The following DNAJB6 variants were observed in gnomAD, a reference collection of about 807,000 sequenced individuals.
DNAJB6 encodes DnaJ heat shock protein family (Hsp40) member B6.
Under a neutral mutation model 42.7 loss-of-function variants are expected in DNAJB6, and 16 were observed. That is an observed-to-expected ratio of 0.37 (90% CI 0.25 to 0.57). The LOEUF (loss-of-function observed/expected upper bound fraction) is 0.57, where lower values mean the gene tolerates loss of function less well. Ranked by LOEUF, DNAJB6 falls within the 20% of genes least tolerant of loss-of-function variation. DNAJB6 has a pLI of 0.74. For missense variants in DNAJB6, 347 were observed against 416.8 expected (o/e 0.83, Z 1.46); for synonymous variants, 170 against 163.5 (o/e 1.04, Z -0.30).
intron 1 of DNAJB6, among the ~76,000 whole-genome samples, chr7:157,341,677 G>A (rs1008661866): frequency 5.3e-5 from 8 of 152,168 alleles, no homozygotes; most frequent in Admixed American, 1.3e-4. Flanking sequence ...ACTTGGGTGG[G>A]CTTTGAATCT....
intron 8 of DNAJB6, among the ~76,000 whole-genome samples, chr7:157,392,708 C>G (rs192732575): frequency 6.6e-6 from 1 of 152,230 alleles, no homozygotes; most frequent in South Asian, 2.1e-4. Context: ...GCAGTCAGTG[C>G]GAGGAACACC....
At chr7:157,344,016 G>A (rs1179803252) in intron 1 of DNAJB6, among the ~76,000 whole-genome samples, 1 of 152,100 alleles carries the variant, frequency 6.6e-6, no homozygotes. Context: ...CTAGTTAATA[G>A]TTTAAAGAAG....
intron 1 of DNAJB6, among the ~76,000 whole-genome samples, chr7:157,340,631 C>T (rs1199237984): frequency 6.6e-6 from 1 of 151,918 alleles, no homozygotes; most frequent in East Asian, 1.9e-4. Context: ...GTTTCATGTT[C>T]CTGGAGATAT....
In DNAJB6 at chr7:157,394,444, G is replaced by A. The variant is rs147985213; in HGVS notation, c.691+8833G>A. 3.0e-4 allele frequency among the ~76,000 whole-genome samples: 46 copies of A among 152,090 alleles called. 1 individual carries two copies. Among genetic ancestry groups the A allele is most frequent in the African/African-American group, 1.1e-3 (45 of 41,476 alleles). ...CTTTGAGTGGCTAAGTGGGTGGATC[G>A]CTTGAGCCCTGGAGGTCGAGGCTAC... On this transcript the variant is annotated intron_variant, in intron 8 of 9. Transcript: ENST00000262177.
At chr7:157,372,772 A>T (rs1304529533) in intron 5 of DNAJB6, among the ~76,000 whole-genome samples, 1 of 152,114 alleles carries the variant, frequency 6.6e-6, no homozygotes, top group Non-Finnish European at 1.5e-5. Flanking sequence ...CCAGTCCTGG[A>T]GGCTGGCCAT....
At chr7:157,402,153 G>A (rs962530019) in intron 8 of DNAJB6, among the ~76,000 whole-genome samples, 3 of 152,244 alleles carry the variant, frequency 2.0e-5, no homozygotes, top group African/African-American at 4.8e-5. Flanking sequence ...TAGAGATGGG[G>A]TCTCCCTATG....
chr7:157,386,691 T>G (rs1801077708), intron 8 of DNAJB6, among the ~76,000 whole-genome samples: 1 of 152,198 alleles, frequency 6.6e-6, no homozygotes, highest in Non-Finnish European at 1.5e-5. Context: ...GAGACCAGCC[T>G]GACCAAGATG....
In DNAJB6 at chr7:157,417,172, A is replaced by T. The variant is rs1329745200; in HGVS notation, c.*1074A>T. 2 of 152,302 alleles carry T rather than the reference A, an allele frequency of 1.3e-5. No individual in the cohort carries two copies. The highest frequency in any genetic ancestry group is 3.9e-4 in the East Asian group (2 of 5,182). 9.4% of individuals were successfully genotyped at this position (152,302 alleles called of 1,614,324 possible). A position where few individuals can be genotyped will look rare whatever the true frequency, so the allele number is the denominator to read the frequency against. On this transcript the variant is annotated 3_prime_UTR_variant, in exon 10 of 10. Transcript: ENST00000262177. ...ATTGTGAAAAGCTTTGCTGTGATTT[A>T]AAAATGCCAGCAATTTTAATCTAGC...
intron 1 of DNAJB6, among the ~76,000 whole-genome samples, chr7:157,356,997 C>T (rs1799312193): frequency 6.6e-6 from 1 of 150,630 alleles, no homozygotes; most frequent in Admixed American, 6.6e-5. Context: ...AAAGGACTTC[C>T]ATAAAAACAA....
Position 157,360,711 on chromosome 7 carries a change from A to G in DNAJB6, c.65+2074A>G, listed in dbSNP as rs117643422. ...AGCTATGGGGGCGTGCTGTTAGTCTATCTTGTGTACCCTTGGCTTTGTGTG... is the reference window on the plus strand; with the variant it reads ...AGCTATGGGGGCGTGCTGTTAGTCTGTCTTGTGTACCCTTGGCTTTGTGTG... On this transcript the variant is annotated intron_variant, in intron 2 of 9. Coordinates refer to ENST00000262177, the MANE Select transcript of DNAJB6 (RefSeq NM_058246.4). Among the ~76,000 whole-genome samples, 1,356 of 152,282 alleles carry G rather than the reference A, an allele frequency of 8.9e-3. 8 individuals carry two copies. Among genetic ancestry groups the G allele is most frequent in the Non-Finnish European group, 0.014 (950 of 68,030 alleles).
chr7:157,371,526 A>C (rs3802095), intron 5 of DNAJB6, among the ~76,000 whole-genome samples: 84,115 of 152,100 alleles, frequency 0.55, 23,560 homozygotes, highest in East Asian at 0.75. Context: ...TCCTTTACAG[A>C]AGAAGCCCTC....
intron 8 of DNAJB6, among the ~76,000 whole-genome samples, chr7:157,394,509 T>TG (rs1488453991): frequency 1.3e-5 from 2 of 149,918 alleles, no homozygotes; most frequent in Non-Finnish European, 3.0e-5. Flanking sequence ...AGTCTGGTGA[T>TG]GGAGTGAGAC....
chr7:157,354,904 G>C (rs1799192898), intron 1 of DNAJB6, among the ~76,000 whole-genome samples: 1 of 152,148 alleles, frequency 6.6e-6, no homozygotes, highest in African/African-American at 2.4e-5. Flanking sequence ...CAGGTATGTA[G>C]GAGGTGGGGA....
intron 8 of DNAJB6, among the ~76,000 whole-genome samples, chr7:157,389,545 C>A (rs1026646862): frequency 2.0e-5 from 3 of 152,142 alleles, no homozygotes. Flanking sequence ...GAGATCTTAC[C>A]CTTTGGGGTC....
chr7:157,362,774 A>G (rs118078028), intron 2 of DNAJB6, among the ~76,000 whole-genome samples: 2 of 152,150 alleles, frequency 1.3e-5, no homozygotes, highest in Admixed American at 6.5e-5. Context: ...GTATTATGCT[A>G]TCAGGATTTT....
intron 5 of DNAJB6, among the ~76,000 whole-genome samples, chr7:157,368,441 G>A (rs1799948587): frequency 6.6e-6 from 1 of 152,210 alleles, no homozygotes. Context: ...GTTGTTGAGA[G>A]TTTGCGGAAA....
intron 5 of DNAJB6, chr7:157,378,242 G>T (rs1339786507): frequency 2.0e-5 from 3 of 152,168 alleles, no homozygotes; most frequent in East Asian, 3.9e-4. Context: ...GTTCTTTCTG[G>T]TGAGGTAAAG....
At chr7:157,365,852 C>G (rs1371119131) in intron 3 of DNAJB6, among the ~76,000 whole-genome samples, 19 of 150,760 alleles carry the variant, frequency 1.3e-4, no homozygotes, top group African/African-American at 2.4e-5. Context: ...TTAGTAGAGA[C>G]TGGGTTTCTC....
intron 8 of DNAJB6, among the ~76,000 whole-genome samples, chr7:157,404,826 T>C (rs1460327572): frequency 6.6e-6 from 1 of 152,102 alleles, no homozygotes; most frequent in African/African-American, 2.4e-5. Flanking sequence ...CTTTCTGTGT[T>C]ACCCAAGCTG....
Sources: allele counts gnomAD v4.1 joint callset (sites outside exome capture counted in the v4.1 genomes callset), GRCh38; gene constraint gnomAD v4.1.1; transcripts MANE v1.5; gene names NCBI Gene and HGNC (gene_info 2026-07-23, HGNC 2026-07-21).